PDS5A: variants seen among roughly 807,000 people sequenced by gnomAD.
The protein encoded by PDS5A is sister chromatid cohesion protein PDS5 homolog A.
A neutral mutation model predicts 167.1 loss-of-function variants in PDS5A; 42 were observed. That is an observed-to-expected ratio of 0.25 (90% CI 0.20 to 0.33). The LOEUF is 0.33. PDS5A is among the 10% of genes least tolerant of loss of function. The pLI, the probability that PDS5A is intolerant of heterozygous loss-of-function variation, is 1.00. For synonymous variants in PDS5A, 553 were observed against 554.6 expected (o/e 1.00, Z 0.04); for missense variants, 1,033 against 1,605.9 (o/e 0.64, Z 6.10).
chr4:39,903,921 CTT>C (rs1723086348), intron 12 of PDS5A, 117 bp downstream of exon 12: 6 of 529,282 alleles, frequency 1.1e-5, no homozygotes, highest in South Asian at 9.4e-5. Context: ...GTTGAATAAA[CTT>C]AATTTTATTT....
At chr4:39,928,474 T>C (rs1238004089) in intron 2 of PDS5A, among the ~76,000 whole-genome samples, 1 of 152,166 alleles carries the variant, frequency 6.6e-6, no homozygotes, top group Non-Finnish European at 1.5e-5. Flanking sequence ...CCTGGCCCCA[T>C]ATGGACAATA....
chr4:39,909,696 T>C (rs917852711), intron 10 of PDS5A, among the ~76,000 whole-genome samples: 3 of 152,208 alleles, frequency 2.0e-5, no homozygotes, highest in African/African-American at 4.8e-5. Context: ...CCTGTTCTTT[T>C]TGGTAAATAA....
rs745944442 is a variant in PDS5A at position 39,900,460 on chromosome 4, A to G, written c.1547T>C (p.Val516Ala). Residue 516 changes from valine to alanine, a missense_variant, in exon 14 of 33, where the codon GTA (valine) becomes GCA (alanine). Coordinates refer to ENST00000303538, the MANE Select transcript of PDS5A (RefSeq NM_001100399.2). ...WKCQNMLRSHVRELLDLHKQP... is the reference protein window; with the variant it reads ...WKCQNMLRSHARELLDLHKQP... ...CTTGTGCAAATCCAATAGTTCGCGTACATGGCTCCGAAGCATGTTCTGACA... is the reference window on the plus strand; with the variant it reads ...CTTGTGCAAATCCAATAGTTCGCGTGCATGGCTCCGAAGCATGTTCTGACA... The G allele has an allele frequency of 7.6e-6, 12 of 1,584,730 alleles. No individual in the cohort carries two copies. The highest frequency in any genetic ancestry group is 1.0e-5 in the Non-Finnish European group (12 of 1,163,642).
intron 17 of PDS5A, among the ~76,000 whole-genome samples, chr4:39,888,690 C>A (rs4290901): frequency 0.95 from 141,880 of 149,294 alleles, 67,426 homozygotes; most frequent in East Asian, 0.99. Context: ...CCAAGAACAA[C>A]AAAAAAAAAA....
chr4:39,918,635 C>A lies in PDS5A; in HGVS notation c.736-1447G>T, dbSNP rs181118668. Among the ~76,000 whole-genome samples the A allele has an allele frequency of 2.6e-3, 398 of 152,196 alleles. 5 individuals are homozygous for A. The highest frequency in any genetic ancestry group is 9.1e-3 in the African/African-American group (377 of 41,512). ...TTGGGAGTCTGGGGCAGGCGGATTA[C>A]CTGAGGTCAGGAGTTCAAGACCAGC... is the stretch of plus-strand genomic sequence containing the variant. On this transcript the variant is annotated intron_variant, in intron 7 of 32. Transcript: ENST00000303538.
At chr4:39,976,110 T>TA (rs1357424651) in intron 2 of PDS5A, 6 of 170,798 alleles carry the variant, frequency 3.5e-5, no homozygotes, top group African/African-American at 7.1e-5. Context: ...ATAGTAAACT[T>TA]CTTAGGCAAA....
chr4:39,934,135 G>A lies in PDS5A; in HGVS notation c.139-5971C>T, dbSNP rs1392857283. Among the ~76,000 whole-genome samples the A allele has an allele frequency of 2.0e-5, 3 of 152,144 alleles. No homozygotes were observed. In the East Asian group the frequency reaches 5.8e-4, roughly 29 times the overall value. ...TACCAATGGTGACTTCCTAATCACT[G>A]GATTACGGCTAAACGTGTGTCCCTA... On this transcript the variant is annotated intron_variant, in intron 2 of 32. Coordinates refer to ENST00000303538, the MANE Select transcript of PDS5A (RefSeq NM_001100399.2).
intron 2 of PDS5A, among the ~76,000 whole-genome samples, chr4:39,956,182 A>G (rs988598444): frequency 1.3e-5 from 2 of 152,008 alleles, no homozygotes; most frequent in African/African-American, 4.8e-5. Context: ...TTGAGATAGC[A>G]GCAGTGGATT....
intron 2 of PDS5A, among the ~76,000 whole-genome samples, chr4:39,972,033 T>A (rs776801927): frequency 3.9e-5 from 6 of 152,142 alleles, no homozygotes; most frequent in Admixed American, 6.6e-5. Flanking sequence ...CAGTAGGACA[T>A]TGAAGTTGGT....
intron 2 of PDS5A, among the ~76,000 whole-genome samples, chr4:39,963,041 C>T (rs1729642220): frequency 6.6e-6 from 1 of 151,728 alleles, no homozygotes; most frequent in Non-Finnish European, 1.5e-5. Flanking sequence ...AAAATCAGGC[C>T]GACCTGGTGG....
At chr4:39,966,870 G>A (rs1442616678) in intron 2 of PDS5A, among the ~76,000 whole-genome samples, 1 of 146,924 alleles carries the variant, frequency 6.8e-6, no homozygotes, top group African/African-American at 2.5e-5. Flanking sequence ...GTAGTGGTGG[G>A]TGCCTGTAAT....
At chr4:39,939,822 A>AC (rs1174458109) in intron 2 of PDS5A, among the ~76,000 whole-genome samples, 8 of 152,126 alleles carry the variant, frequency 5.3e-5, no homozygotes, top group African/African-American at 1.9e-4. Context: ...AAACAAACAA[A>AC]AAAACAGCTT....
At chr4:39,922,025 A>G (rs1725029248) in intron 6 of PDS5A, among the ~76,000 whole-genome samples, 1 of 152,204 alleles carries the variant, frequency 6.6e-6, no homozygotes, top group African/African-American at 2.4e-5. Context: ...AGAGCAGGAG[A>G]GCAAATATCA....
chr4:39,947,501 T>C (rs1268053525), intron 2 of PDS5A, among the ~76,000 whole-genome samples: 2 of 152,140 alleles, frequency 1.3e-5, no homozygotes, highest in Non-Finnish European at 1.5e-5. Flanking sequence ...GGAGTAAACC[T>C]GCTTTCTAAC....
intron 26 of PDS5A, among the ~76,000 whole-genome samples, chr4:39,855,429 A>G (rs1187153118): frequency 2.0e-5 from 3 of 152,208 alleles, no homozygotes; most frequent in Non-Finnish European, 4.4e-5. Context: ...CCAATTCCTA[A>G]CGAAAAACTA....
At chr4:39,862,185 A>G (rs373770778) in intron 26 of PDS5A, 34 bp downstream of exon 26, 2 of 843,394 alleles carry the variant, frequency 2.4e-6, no homozygotes, top group Non-Finnish European at 3.5e-6. Flanking sequence ...ACTAAACATA[A>G]TTTTTAGAGT....
At chr4:39,864,488 G>A (rs1719260417) in intron 23 of PDS5A, among the ~76,000 whole-genome samples, 1 of 152,190 alleles carries the variant, frequency 6.6e-6, no homozygotes, top group Non-Finnish European at 1.5e-5. Flanking sequence ...TAATGAATGG[G>A]ATGGCATGGG....
intron 21 of PDS5A, among the ~76,000 whole-genome samples, chr4:39,869,970 A>G (rs1413323529): frequency 2.0e-5 from 3 of 152,102 alleles, no homozygotes; most frequent in Non-Finnish European, 4.4e-5. Context: ...TTAGTTGGGC[A>G]TGGTGGTGCA....
At chr4:39,882,177 T>G (rs1275544045) in intron 17 of PDS5A, among the ~76,000 whole-genome samples, 1 of 152,220 alleles carries the variant, frequency 6.6e-6, no homozygotes, top group Non-Finnish European at 1.5e-5. Flanking sequence ...TGTAAAAATC[T>G]GAATTTGCAT....
Sources: allele counts gnomAD v4.1 joint callset (sites outside exome capture counted in the v4.1 genomes callset), GRCh38; gene constraint gnomAD v4.1.1; transcripts MANE v1.5; gene names NCBI Gene and HGNC (gene_info 2026-07-23, HGNC 2026-07-21).